SHISA9: variants seen among roughly 807,000 people sequenced by gnomAD.
SHISA9 encodes the protein shisa family member 9.
In SHISA9, 13 loss-of-function variants were observed where a neutral mutation model predicts 38.0. That is an observed-to-expected ratio of 0.34 (90% CI 0.22 to 0.54). SHISA9 has a LOEUF of 0.54. Ranked by LOEUF, SHISA9 falls within the 20% of genes least tolerant of loss-of-function variation. The pLI is 0.91. For missense variants in SHISA9, 538 were observed against 575.8 expected (o/e 0.93, Z 0.67); for synonymous variants, 275 against 242.0 (o/e 1.14, Z -1.27).
chr16:13,083,876 C>T (rs2073681565), intron 2 of SHISA9, among the ~76,000 whole-genome samples: 2 of 152,216 alleles, frequency 1.3e-5, no homozygotes, highest in Admixed American at 6.5e-5. Context: ...AGAATCTGGG[C>T]AGGGCACCAA....
At chr16:13,415,458 G>A in the SHISA9 span, among the ~76,000 whole-genome samples, 1 of 152,132 alleles carries the variant, frequency 6.6e-6, no homozygotes, top group Non-Finnish European at 1.5e-5. Flanking sequence ...GGAGGAGGGA[G>A]AAGATCAGGA....
chr16:13,513,177 T>A, the SHISA9 span, among the ~76,000 whole-genome samples: 4 of 151,632 alleles, frequency 2.6e-5, no homozygotes, highest in Admixed American at 6.6e-5. Context: ...AACCAAACAA[T>A]CCCATCAAAA....
At chr16:13,509,097 C>T in the SHISA9 span, among the ~76,000 whole-genome samples, 10 of 152,112 alleles carry the variant, frequency 6.6e-5, no homozygotes, top group African/African-American at 2.4e-4. Flanking sequence ...TGAAATCAGG[C>T]TGTGGCAGGA....
the SHISA9 span, among the ~76,000 whole-genome samples, chr16:13,444,776 TTCTTCCCTCCC>T: frequency 0.027 from 4,043 of 147,388 alleles, 184 homozygotes; most frequent in African/African-American, 0.091. Flanking sequence ...AGATTTCTCT[TTCTTCCCTCCC>T]TCTTCCCTCC....
the SHISA9 span, among the ~76,000 whole-genome samples, chr16:13,471,261 T>G: frequency 6.6e-6 from 1 of 152,134 alleles, no homozygotes; most frequent in Admixed American, 6.5e-5. Flanking sequence ...TCCTGAAATA[T>G]GGAGGACTGA....
the SHISA9 span, among the ~76,000 whole-genome samples, chr16:13,368,434 C>T: frequency 1.3e-5 from 2 of 151,922 alleles, no homozygotes; most frequent in Admixed American, 6.6e-5. Flanking sequence ...GGACTTGTAA[C>T]AATCAGAAGA....
At chr16:13,259,229 G>T in the SHISA9 span, among the ~76,000 whole-genome samples, 6 of 152,220 alleles carry the variant, frequency 3.9e-5, no homozygotes, top group Non-Finnish European at 8.8e-5. Flanking sequence ...GCTCTAAAAC[G>T]ATCTCCTTTG....
At chr16:12,996,062 G>A (rs1030074738) in intron 2 of SHISA9, among the ~76,000 whole-genome samples, 3 of 152,254 alleles carry the variant, frequency 2.0e-5, no homozygotes, top group Non-Finnish European at 2.9e-5. Context: ...TCTGGATCCA[G>A]GACACAAAGG....
intron 2 of SHISA9, among the ~76,000 whole-genome samples, chr16:12,939,137 G>C (rs275397): frequency 0.23 from 35,262 of 151,870 alleles, 4,245 homozygotes; most frequent in South Asian, 0.34. Context: ...AGGCTGGAGT[G>C]CAGTGGCACA....
At chr16:12,938,285 C>G (rs1015902469) in intron 2 of SHISA9, among the ~76,000 whole-genome samples, 2 of 152,170 alleles carry the variant, frequency 1.3e-5, no homozygotes, top group African/African-American at 4.8e-5. Context: ...GTGGGGCTAT[C>G]AATGACTTAC....
the SHISA9 span, among the ~76,000 whole-genome samples, chr16:13,532,349 A>C: frequency 6.6e-6 from 1 of 152,166 alleles, no homozygotes; most frequent in Non-Finnish European, 1.5e-5. Flanking sequence ...GAGCAGAGGA[A>C]ACACAGCTGG....
intron 1 of SHISA9, among the ~76,000 whole-genome samples, chr16:12,905,946 G>A (rs1249376350): frequency 6.6e-6 from 1 of 152,176 alleles, no homozygotes; most frequent in African/African-American, 2.4e-5. Context: ...TAACTTTTCT[G>A]TGGTGCTGGG....
chr16:12,923,127 C>A (rs189443543), intron 2 of SHISA9, among the ~76,000 whole-genome samples: 93 of 152,246 alleles, frequency 6.1e-4, no homozygotes, highest in African/African-American at 2.2e-3. Context: ...TAAAAAAGCC[C>A]ATGGAAGATA....
chr16:13,494,834 C>T, the SHISA9 span, among the ~76,000 whole-genome samples: 2 of 152,102 alleles, frequency 1.3e-5, no homozygotes, highest in Admixed American at 6.6e-5. Flanking sequence ...GCTTTATTCA[C>T]GATAGCAAAA....
chr16:13,203,482 C>T lies in SHISA9; in HGVS notation c.780C>T (p.Ile260=). 1 of 1,551,310 alleles carries T rather than the reference C, an allele frequency of 6.4e-7. No homozygotes were observed. The highest frequency in any genetic ancestry group is 8.7e-7 in the Non-Finnish European group (1 of 1,146,750). Residue 260 remains isoleucine (I), a synonymous_variant, in exon 3 of 5, where the codon ATC becomes ATT. Coordinates refer to ENST00000558583, the MANE Select transcript of SHISA9 (RefSeq NM_001145204.3). ...ATTCGTACCCGAACCTGGGCCAGAT[C>T]TCCAACCCCTATGAACAGCAGCCAC... ...HPHSYPNLGQ[I]SNPYEQQPPG... is the part of the protein sequence containing the mutation.
intron 4 of SHISA9, among the ~76,000 whole-genome samples, chr16:13,234,328 C>T (rs762511493): frequency 1.3e-4 from 20 of 152,128 alleles, no homozygotes; most frequent in Non-Finnish European, 2.6e-4. Context: ...TAGATAATAT[C>T]TAAGCACTTT....
chr16:13,019,764 TTTTCTTTC>T (rs548980425), intron 2 of SHISA9, among the ~76,000 whole-genome samples: 11,158 of 77,768 alleles, frequency 0.14, 1,091 homozygotes, highest in Middle Eastern at 0.19. Context: ...CTTTTCTTTC[TTTTCTTTC>T]TTTCTTTCTT....
chr16:12,942,862 T>C lies in SHISA9; in HGVS notation c.691+26047T>C, dbSNP rs568445401. On this transcript the variant is annotated intron_variant, in intron 2 of 4. Coordinates refer to ENST00000558583, the MANE Select transcript of SHISA9 (RefSeq NM_001145204.3). ...TAAAGCAAAGAAAAAGAGGAGTTTA[T>C]TGGGACGTGTCTCTCACCTTTAGGC... Among the ~76,000 whole-genome samples, 12 of 152,294 alleles carry C rather than the reference T, an allele frequency of 7.9e-5. No homozygotes were observed. In the South Asian group the frequency reaches 2.3e-3, roughly 29 times the overall value.
At chr16:13,245,339 C>T (rs1001806948), downstream of SHISA9, among the ~76,000 whole-genome samples, 1 of 152,080 alleles carries the variant, frequency 6.6e-6, no homozygotes, top group Non-Finnish European at 1.5e-5. Context: ...CCCACAAATC[C>T]CTCTGCAGGT....
Sources: gnomAD v4.1 joint callset for allele counts (sites outside exome capture counted in the v4.1 genomes callset) on GRCh38, gnomAD v4.1.1 for gene constraint, MANE v1.5 for transcripts, NCBI Gene and HGNC (gene_info 2026-07-23, HGNC 2026-07-21) for gene names.